Variants in HDAC4 observed in about 807,000 individuals in gnomAD.
HDAC4 encodes histone deacetylase 4.
A neutral mutation model predicts 135.1 loss-of-function variants in HDAC4; 16 were observed. That is an observed-to-expected ratio of 0.12 (90% CI 0.08 to 0.18). HDAC4 has a LOEUF of 0.18. Ranked by LOEUF, HDAC4 falls within the 10% of genes least tolerant of loss-of-function variation. The pLI, the probability that HDAC4 is intolerant of heterozygous loss-of-function variation, is 1.00. For synonymous variants in HDAC4, 685 were observed against 653.4 expected (o/e 1.05, Z -0.74); for missense variants, 1,143 against 1,511.8 (o/e 0.76, Z 4.05).
At chr2:239,275,093 TA>T (rs1337857408) in intron 2 of HDAC4, among the ~76,000 whole-genome samples, 1 of 152,206 alleles carries the variant, frequency 6.6e-6, no homozygotes, top group Non-Finnish European at 1.5e-5. Context: ...CAGCACACGC[TA>T]CGCTATCATT....
At chr2:239,291,828 C>T (rs577850416) in intron 2 of HDAC4, among the ~76,000 whole-genome samples, 1 of 152,344 alleles carries the variant, frequency 6.6e-6, no homozygotes, top group Admixed American at 6.5e-5. Context: ...GGGGCCTAAG[C>T]TCAAGAGTCC....
intron 3 of HDAC4, among the ~76,000 whole-genome samples, chr2:239,203,773 T>C (rs970949740): frequency 6.6e-6 from 1 of 152,058 alleles, no homozygotes; most frequent in Non-Finnish European, 1.5e-5. Flanking sequence ...AAACCTTCTG[T>C]ATGCAAAGCA....
chr2:239,210,062 C>T (rs112492291), intron 3 of HDAC4, among the ~76,000 whole-genome samples: 59 of 152,286 alleles, frequency 3.9e-4, no homozygotes, highest in African/African-American at 1.2e-3. Flanking sequence ...AGCCGAATCT[C>T]GCTTTCGTGA....
rs116227055 is a variant in HDAC4, at chr2:239,113,492, C to T, written c.1791+1561G>A. 8.4e-3 allele frequency among the ~76,000 whole-genome samples: 1,274 copies of T among 152,296 alleles called. 14 individuals carry two copies. Among genetic ancestry groups the T allele is most frequent in the African/African-American group, 0.029 (1,219 of 41,562 alleles). ...TTATGTTTACCTCGGCAAATTGCTC[C>T]GTGTACTACGACGTTTCCCTGATAA... On this transcript the variant is annotated intron_variant, in intron 13 of 26. Coordinates refer to ENST00000543185, the MANE Select transcript of HDAC4 (RefSeq NM_001378414.1).
Position 239,298,422 on chromosome 2 carries a change from G to A in HDAC4, c.22+54256C>T. On this transcript the variant is annotated intron_variant, in intron 2 of 26. Coordinates refer to ENST00000543185, the MANE Select transcript of HDAC4 (RefSeq NM_001378414.1). The stretch of plus-strand genomic sequence containing the variant: ...TCAGAGGGAAACAGGGTATCCTGAA[G>A]TTCAAGTGCATGCACACCGTGGATA... The A allele has an allele frequency of 6.0e-6, 7 of 1,169,768 alleles. 1 individual carries two copies. The highest frequency in any genetic ancestry group is 7.5e-6 in the Non-Finnish European group (7 of 932,068). The allele number at this position is 1,169,768 out of a possible 1,614,324, so 72.5% of individuals were successfully genotyped here.
intron 24 of HDAC4, among the ~76,000 whole-genome samples, chr2:239,061,075 C>T (rs988102155): frequency 3.9e-5 from 6 of 152,340 alleles, no homozygotes; most frequent in Non-Finnish European, 5.9e-5. Context: ...ACCCTGTGCG[C>T]GCCACAATCG....
rs112896229 is a variant in HDAC4, at chr2:239,392,389, G to T, written c.-220+8589C>A. Among the ~76,000 whole-genome samples the T allele has an allele frequency of 7.2e-3, 1,090 of 152,360 alleles. 10 individuals are homozygous for T. The highest frequency in any genetic ancestry group is 0.061 in the Middle Eastern group (18 of 294). On this transcript the variant is annotated intron_variant, in intron 1 of 26. Coordinates refer to ENST00000543185, the MANE Select transcript of HDAC4 (RefSeq NM_001378414.1). ...AAACAAGTGTTCTCCAAAGAATGGG[G>T]ACTGTGACCACCTATGAGGATTTTT...
chr2:239,094,365 A>G (rs1411878443), intron 17 of HDAC4: 6 of 985,320 alleles, frequency 6.1e-6, no homozygotes, highest in Non-Finnish European at 6.0e-6. Context: ...CCCAGACTGG[A>G]AAGTCCTTGT....
intron 3 of HDAC4, among the ~76,000 whole-genome samples, chr2:239,210,621 T>C (rs2046313344): frequency 6.6e-6 from 1 of 152,196 alleles, no homozygotes; most frequent in Non-Finnish European, 1.5e-5. Flanking sequence ...GGAAATGTCT[T>C]GCCCCACTTC....
In HDAC4 at chr2:239,139,394, T is replaced by C. The variant is rs1042534870; in HGVS notation, c.978+290A>G. The stretch of plus-strand genomic sequence containing the variant: ...TGCGTGGGCTTGTGCTGGGACACCA[T>C]CTAGTGACATCTGCTCTGGAAGAGG... On this transcript the variant is annotated intron_variant, in intron 9 of 26. Coordinates refer to ENST00000543185, the MANE Select transcript of HDAC4 (RefSeq NM_001378414.1). This position sits in a 1 kb window ranked among gnomAD's most constrained non-coding sequence, Gnocchi z 5.3. Among the ~76,000 whole-genome samples the C allele has an allele frequency of 2.0e-5, 3 of 151,840 alleles. No individual in the cohort carries two copies. Among genetic ancestry groups the C allele is most frequent in the African/African-American group, 7.3e-5 (3 of 41,298 alleles).
At chr2:239,054,292 A>G (rs1222045959) in intron 25 of HDAC4, among the ~76,000 whole-genome samples, 3 of 152,050 alleles carry the variant, frequency 2.0e-5, no homozygotes, top group African/African-American at 4.8e-5. Context: ...TGCACCCAGG[A>G]CCTGCTGCTT....
At chr2:239,275,580 A>C (rs1306866046) in intron 2 of HDAC4, among the ~76,000 whole-genome samples, 1 of 152,152 alleles carries the variant, frequency 6.6e-6, no homozygotes, top group Non-Finnish European at 1.5e-5. Context: ...CGAGGGGGAC[A>C]CACATGGAAG....
chr2:239,329,040 G>GGCA (rs967518146), intron 2 of HDAC4, among the ~76,000 whole-genome samples: 2 of 152,376 alleles, frequency 1.3e-5, no homozygotes, highest in Non-Finnish European at 2.9e-5. Flanking sequence ...CAGGCCACCA[G>GGCA]GCAGCAGCAG....
intron 24 of HDAC4, among the ~76,000 whole-genome samples, chr2:239,063,256 G>T (rs1467593322): frequency 6.6e-6 from 1 of 151,750 alleles, no homozygotes; most frequent in South Asian, 2.1e-4. Context: ...GCTGGAGTGT[G>T]GTGGCGCGAT....
chr2:239,299,911 C>T lies in HDAC4; in HGVS notation c.22+52767G>A, dbSNP rs908417347. On this transcript the variant is annotated intron_variant, in intron 2 of 26. Coordinates refer to ENST00000543185, the MANE Select transcript of HDAC4 (RefSeq NM_001378414.1). The surrounding 1 kb of genome is among the most constrained non-coding windows in gnomAD (Gnocchi z 4.0). ...ATGGGAGACCGGCAGTCCTGGGGCT[C>T]GGGAGACAGGGGAGACAGAGAAGGA... 5.3e-5 allele frequency among the ~76,000 whole-genome samples: 8 copies of T among 152,144 alleles called. No individual in the cohort carries two copies. Among genetic ancestry groups the T allele is most frequent in the South Asian group, 2.1e-4 (1 of 4,826 alleles).
intron 2 of HDAC4, among the ~76,000 whole-genome samples, chr2:239,340,028 A>G (rs2125860845): frequency 6.6e-6 from 1 of 152,338 alleles, no homozygotes; most frequent in Middle Eastern, 3.4e-3. Context: ...CTGAACACAA[A>G]GCAAGAAGAG....
intron 3 of HDAC4, among the ~76,000 whole-genome samples, chr2:239,220,125 T>C (rs948499361): frequency 6.6e-6 from 1 of 152,188 alleles, no homozygotes; most frequent in Non-Finnish European, 1.5e-5. Flanking sequence ...ACACACAGTG[T>C]AGACTAAACA....
In HDAC4 at chr2:239,076,036, C is replaced by A. The variant is rs950017772; in HGVS notation, c.2750+5059G>T. ...GCGCGTGCCAGCGAACTCTCCTTGG[C>A]TTCCTGGGAGACAAAGCTGGGCCAG... On this transcript the variant is annotated intron_variant, in intron 22 of 26. Coordinates refer to ENST00000543185, the MANE Select transcript of HDAC4 (RefSeq NM_001378414.1). 2.6e-5 allele frequency among the ~76,000 whole-genome samples: 4 copies of A among 151,686 alleles called. No homozygotes were observed. In the South Asian group the frequency reaches 8.3e-4, roughly 32 times the overall value.
chr2:239,187,357 T>G (rs1443337600), intron 4 of HDAC4, among the ~76,000 whole-genome samples: 1 of 152,162 alleles, frequency 6.6e-6, no homozygotes, highest in African/African-American at 2.4e-5. Flanking sequence ...TTTTAAAAAA[T>G]TACTTCTAGG....
Sources: allele counts gnomAD v4.1 joint callset (sites outside exome capture counted in the v4.1 genomes callset), GRCh38; gene constraint gnomAD v4.1.1; non-coding constraint Gnocchi (gnomAD v3.1); transcripts MANE v1.5; gene names NCBI Gene and HGNC (gene_info 2026-07-23, HGNC 2026-07-21).